FBN1: variants seen among roughly 807,000 people sequenced by gnomAD.
FBN1 encodes fibrillin-1.
Under a neutral mutation model 365.1 loss-of-function variants are expected in FBN1, and 29 were observed. The observed-to-expected ratio is 0.08, with a 90% CI of 0.06 to 0.11. The LOEUF is 0.11. Among genes scored for constraint, FBN1 ranks in the 10% least tolerant of loss-of-function variants. The probability of loss-of-function intolerance (pLI) is 1.00; values close to 1 mark genes in which losing one functional copy is unlikely to be tolerated. For synonymous variants in FBN1, 1,210 were observed against 1,270.5 expected, an observed-to-expected ratio of 0.95 and a Z score of 1.01; for missense variants, 2,476 against 3,703.2, an observed-to-expected ratio of 0.67 and a Z score of 8.60.
At chr15:48,422,094 T>C (rs2042948372) in intron 60 of FBN1, 26 bp from the exon 61 acceptor site, 1 of 1,521,194 alleles carries the variant, frequency 6.6e-7, no homozygotes, top group Non-Finnish European at 9.1e-7. Context: ...AGAGAGGCAT[T>C]TGAGTCAAGC....
intron 4 of FBN1, among the ~76,000 whole-genome samples, chr15:48,609,439 A>G (rs1056139587): frequency 6.6e-6 from 1 of 152,256 alleles, no homozygotes; most frequent in Non-Finnish European, 1.5e-5. Context: ...TAATTCTAGG[A>G]AACACTCATA....
intron 43 of FBN1, 59 bp from the exon 44 acceptor site, chr15:48,456,821 A>C (rs2043242595): frequency 6.6e-7 from 1 of 1,525,890 alleles, no homozygotes; most frequent in Non-Finnish European, 8.9e-7. Context: ...TGTGCAGGGT[A>C]AGACAAGATG....
chr15:48,553,380 A>G (rs142807983), intron 6 of FBN1, among the ~76,000 whole-genome samples: 1 of 152,286 alleles, frequency 6.6e-6, no homozygotes, highest in East Asian at 1.9e-4. Context: ...TTCAAACAAT[A>G]CGTCAATAAG....
At chr15:48,430,582 A>G in intron 56 of FBN1, 89 bp downstream of exon 56, 2 of 1,498,358 alleles carry the variant, frequency 1.3e-6, no homozygotes, top group Non-Finnish European at 1.9e-6. Flanking sequence ...CTCGCCAAGA[A>G]CAGTATCCCA....
rs948284591 is a variant in FBN1 at position 48,644,426 on chromosome 15, G to A, written c.164+180C>T. 6 of 784,298 alleles carry A rather than the reference G, an allele frequency of 7.7e-6. No individual in the cohort carries two copies. In the Admixed American group the frequency reaches 1.1e-4, roughly 15 times the overall value. The allele number at this position is 784,298 out of a possible 1,614,324, so 48.6% of individuals were successfully genotyped here. A position where few individuals can be genotyped will look rare whatever the true frequency, so the allele number is the denominator to read the frequency against. ...CCTCTCCTTTGGGGCAGAAATCTCT[G>A]GGAGTAGGGGCAAGGTAGTTTAACC... On this transcript the variant is annotated intron_variant, in intron 2 of 65. Transcript: ENST00000316623.
At chr15:48,508,984 A>G (rs867972231) in intron 14 of FBN1, among the ~76,000 whole-genome samples, 2 of 152,192 alleles carry the variant, frequency 1.3e-5, no homozygotes, top group African/African-American at 4.8e-5. Flanking sequence ...AGTTATCAGG[A>G]TCCTTTTTAG....
At chr15:48,432,103 C>T (rs1252724428) in intron 55 of FBN1, among the ~76,000 whole-genome samples, 2 of 152,112 alleles carry the variant, frequency 1.3e-5, no homozygotes, top group African/African-American at 4.8e-5. Flanking sequence ...CTTCCTCAGT[C>T]TTTACTTTCT....
intron 62 of FBN1, 84 bp from the exon 63 acceptor site, chr15:48,420,890 T>G (rs566022232): frequency 1.4e-4 from 199 of 1,427,874 alleles, no homozygotes; most frequent in Non-Finnish European, 1.8e-4. Context: ...ATCTGGCCCC[T>G]ACACATCCTA....
At chr15:48,631,626 G>A (rs1889990709) in intron 2 of FBN1, among the ~76,000 whole-genome samples, 1 of 152,174 alleles carries the variant, frequency 6.6e-6, no homozygotes, top group Admixed American at 6.5e-5. Flanking sequence ...ACAGTGAAGG[G>A]CGTGTGACTG....
Position 48,534,135 on chromosome 15 carries a change from A to T in FBN1, c.807T>A (p.Phe269Leu). Residue 269 changes from phenylalanine (F) to leucine (L), a missense_variant, in exon 8 of 66, where the codon TTT becomes TTA. This residue lies in a region of FBN1 where 421 missense variants were observed against 520.1 expected (regional missense o/e 0.81). Coordinates refer to ENST00000316623, the MANE Select transcript of FBN1 (RefSeq NM_000138.5). ...GGNCINTVGS[F>L]ECKCPAGHKL... ...TGTGTCCAGCAGGGCATTTGCACTC[A>T]AAAGACCCAACAGTATTAATGCAAT... 3 of 1,613,922 alleles carry T rather than the reference A, an allele frequency of 1.9e-6. No homozygotes were observed. Among genetic ancestry groups the T allele is most frequent in the Non-Finnish European group, 1.7e-6 (2 of 1,179,932 alleles).
rs1403178913 is a variant in FBN1 at position 48,446,776 on chromosome 15, C to G, written c.5718G>C (p.Arg1906=). 14 of 1,613,284 alleles carry G rather than the reference C, an allele frequency of 8.7e-6. No homozygotes were observed. Among genetic ancestry groups the G allele is most frequent in the Non-Finnish European group, 1.2e-5 (14 of 1,179,362 alleles). Reference sequence around the variant, plus strand: ...GGCAGTTGAAGGAACCAATTGTGTTCCGGCAAGTTCCATTCCCACAGGCAT... The same window carrying G: ...GGCAGTTGAAGGAACCAATTGTGTTGCGGCAAGTTCCATTCCCACAGGCAT... ...ERDACGNGTC[R]NTIGSFNCRC... Residue 1906 remains arginine (R), a synonymous_variant, in exon 47 of 66, where the codon CGG becomes CGC. Transcript: ENST00000316623.
In FBN1 at chr15:48,571,543, A is replaced by G. The variant is rs577754885; in HGVS notation, c.538+24740T>C. 2.5e-4 allele frequency among the ~76,000 whole-genome samples: 38 copies of G among 152,304 alleles called. 1 individual carries two copies. The highest frequency in any genetic ancestry group is 4.7e-4 in the Non-Finnish European group (32 of 68,020). On this transcript the variant is annotated intron_variant, in intron 6 of 65. Transcript: ENST00000316623. ...AAATACCTGCAAAAATATTTAAAGT[A>G]AAGAAGATTAAAAAAAGATTTAAGA... is the stretch of plus-strand genomic sequence containing the variant.
rs1404903351 is a variant in FBN1, at chr15:48,483,879, T to G, written c.3777A>C (p.Gly1259=). The part of the protein sequence containing the change: ...CDGGQCTNIP[G]EYRCLCYDGF... ...CATCATAACACAAGCACCTGTACTC[T>G]CCAGGGATATTTGTGCACTGACCAC... The change falls in exon 31 of 66, where the codon GGA becomes GGC. Residue 1259 remains glycine (G), a synonymous_variant. Transcript: ENST00000316623. 4.3e-6 allele frequency: 7 copies of G among 1,613,616 alleles called. No individual in the cohort carries two copies. In the African/African-American group the frequency reaches 9.3e-5, roughly 22 times the overall value.
chr15:48,417,057 G>C (rs150912034), intron 63 of FBN1, among the ~76,000 whole-genome samples: 194 of 152,290 alleles, frequency 1.3e-3, no homozygotes, highest in African/African-American at 4.4e-3. Context: ...GCAGCAGCAG[G>C]GCAGAAATTC....
At chr15:48,488,017 T>G in intron 27 of FBN1, 96 bp downstream of exon 27, 1 of 1,517,536 alleles carries the variant, frequency 6.6e-7, no homozygotes, top group South Asian at 1.1e-5. Context: ...CTGGTTGCAC[T>G]GGGGCAGCAG....
intron 2 of FBN1, among the ~76,000 whole-genome samples, chr15:48,633,842 C>T (rs545786625): frequency 1.2e-4 from 19 of 152,314 alleles, no homozygotes; most frequent in African/African-American, 3.1e-4. Flanking sequence ...CCCAACAACG[C>T]GCCTCTTAGG....
chr15:48,557,341 T>A (rs928975523), intron 6 of FBN1, among the ~76,000 whole-genome samples: 1 of 152,188 alleles, frequency 6.6e-6, no homozygotes, highest in African/African-American at 2.4e-5. Context: ...AGTTTCCTCC[T>A]GGTCTAGTAC....
At chr15:48,603,157 G>GAT (rs1212282740) in intron 4 of FBN1, among the ~76,000 whole-genome samples, 7 of 152,162 alleles carry the variant, frequency 4.6e-5, no homozygotes, top group African/African-American at 1.7e-4. Flanking sequence ...AAATCTCCCT[G>GAT]ATATATATTT....
At chr15:48,451,861 A>C (rs533724027) in intron 45 of FBN1, among the ~76,000 whole-genome samples, 1 of 152,342 alleles carries the variant, frequency 6.6e-6, no homozygotes, top group South Asian at 2.1e-4. Context: ...GCTACAAGAT[A>C]CCATCAGATA....
Sources: gnomAD v4.1 joint callset for allele counts (sites outside exome capture counted in the v4.1 genomes callset) on GRCh38, gnomAD v4.1.1 for gene constraint, gnomAD v4.1.1 regional missense constraint, MANE v1.5 for transcripts, NCBI Gene and HGNC (gene_info 2026-07-23, HGNC 2026-07-21) for gene names.